The following NLK variants were observed in gnomAD, a reference collection of about 807,000 sequenced individuals.
The protein encoded by NLK is serine/threonine-protein kinase NLK.
In NLK, 11 loss-of-function variants were observed where a neutral mutation model predicts 59.0. The observed-to-expected ratio is 0.19, with a 90% CI of 0.12 to 0.31. The LOEUF (loss-of-function observed/expected upper bound fraction) is 0.31, where lower values mean the gene tolerates loss of function less well. Among genes scored for constraint, NLK ranks in the 10% least tolerant of loss-of-function variants. The pLI is 1.00. For missense variants in NLK, 410 were observed against 661.1 expected (o/e 0.62, Z 4.16); for synonymous variants, 235 against 235.9 (o/e 1.00, Z 0.03).
At chr17:28,186,454 GTT>G (rs1909120374) in intron 8 of NLK, among the ~76,000 whole-genome samples, 5 of 151,888 alleles carry the variant, frequency 3.3e-5, no homozygotes, top group Admixed American at 3.3e-4. Context: ...TTTCTTTTTT[GTT>G]TTTTTACTGT....
chr17:28,118,659 A>G (rs1412799679), intron 1 of NLK, among the ~76,000 whole-genome samples: 1 of 152,202 alleles, frequency 6.6e-6, no homozygotes, highest in Non-Finnish European at 1.5e-5. Context: ...AATGACCACA[A>G]CAGATCTAAA....
intron 1 of NLK, among the ~76,000 whole-genome samples, chr17:28,073,905 A>G (rs983792335): frequency 5.9e-5 from 9 of 152,192 alleles, no homozygotes; most frequent in Non-Finnish European, 1.2e-4. Context: ...CTATGTTCCT[A>G]GCATGTAATA....
intron 1 of NLK, among the ~76,000 whole-genome samples, chr17:28,118,517 A>T (rs1905879222): frequency 6.6e-6 from 1 of 152,176 alleles, no homozygotes; most frequent in Non-Finnish European, 1.5e-5. Context: ...GTTTTAAGTG[A>T]CATTTTAGTG....
At chr17:28,065,067 A>G (rs1909783130) in intron 1 of NLK, among the ~76,000 whole-genome samples, 1 of 151,892 alleles carries the variant, frequency 6.6e-6, no homozygotes, top group Non-Finnish European at 1.5e-5. Flanking sequence ...CATAATTCCT[A>G]CCCGGGAGAA....
At chr17:28,203,606 G>A in the NLK span, among the ~76,000 whole-genome samples, 2 of 151,892 alleles carry the variant, frequency 1.3e-5, no homozygotes, top group African/African-American at 2.4e-5. Context: ...GCACAATCTC[G>A]GCTCAATGCA....
chr17:28,117,294 T>C (rs1218435874), intron 1 of NLK, among the ~76,000 whole-genome samples: 1 of 152,236 alleles, frequency 6.6e-6, no homozygotes, highest in Non-Finnish European at 1.5e-5. Context: ...GATTTTCAGC[T>C]GCATTTTAAC....
intron 7 of NLK, among the ~76,000 whole-genome samples, chr17:28,175,050 G>T: frequency 6.8e-6 from 1 of 146,682 alleles, no homozygotes; most frequent in Non-Finnish European, 1.5e-5. Flanking sequence ...TATAGCTTAT[G>T]TTTTGGTACA....
intron 3 of NLK, among the ~76,000 whole-genome samples, chr17:28,159,748 G>A (rs1302965618): frequency 6.6e-6 from 1 of 152,104 alleles, no homozygotes; most frequent in Non-Finnish European, 1.5e-5. Context: ...GTAAATGTCA[G>A]TATATAGGCA....
intron 1 of NLK, among the ~76,000 whole-genome samples, chr17:28,086,098 A>G (rs1386465196): frequency 6.6e-6 from 1 of 152,214 alleles, no homozygotes; most frequent in Non-Finnish European, 1.5e-5. Context: ...TACTTTTAAA[A>G]GGTAACTATA....
chr17:28,131,911 A>G (rs1441399403), intron 2 of NLK, among the ~76,000 whole-genome samples: 1 of 152,110 alleles, frequency 6.6e-6, no homozygotes, highest in Non-Finnish European at 1.5e-5. Flanking sequence ...AGTGTATTTC[A>G]TGTCTTCCTC....
the NLK span, among the ~76,000 whole-genome samples, chr17:28,205,785 C>T: frequency 6.6e-6 from 1 of 152,080 alleles, no homozygotes; most frequent in Non-Finnish European, 1.5e-5. Flanking sequence ...GTTTTTCTCT[C>T]TGTGTCTGGC....
intron 1 of NLK, among the ~76,000 whole-genome samples, chr17:28,071,105 G>A (rs1454178192): frequency 4.6e-5 from 7 of 152,126 alleles, no homozygotes; most frequent in Non-Finnish European, 1.0e-4. Flanking sequence ...AATGCTAGTA[G>A]CCACTCAGTA....
At chr17:28,083,403 A>G (rs545711012) in intron 1 of NLK, among the ~76,000 whole-genome samples, 18 of 152,326 alleles carry the variant, frequency 1.2e-4, no homozygotes, top group African/African-American at 4.3e-4. Flanking sequence ...TTATACTGAT[A>G]AGATGTTGCT....
At chr17:28,090,850 C>T (rs899503359) in intron 1 of NLK, among the ~76,000 whole-genome samples, 4 of 151,846 alleles carry the variant, frequency 2.6e-5, no homozygotes, top group African/African-American at 9.7e-5. Flanking sequence ...ATCTTTGTTC[C>T]TCTGTGTGTA....
In NLK at chr17:28,127,388, A is replaced by G. The variant is rs116138166; in HGVS notation, c.588+4656A>G. Among the ~76,000 whole-genome samples, 382 of 152,328 alleles carry G rather than the reference A, an allele frequency of 2.5e-3. 4 individuals carry two copies. Among genetic ancestry groups the G allele is most frequent in the African/African-American group, 8.5e-3 (354 of 41,576 alleles). ...AGGTTACAGAATCATACAGTATGGG[A>G]AAAACAGATATGGCCTATCTTTTAA... is the stretch of plus-strand genomic sequence containing the variant. On this transcript the variant is annotated intron_variant, in intron 2 of 10. Transcript: ENST00000407008.
At chr17:28,084,645 C>A (rs1019165192) in intron 1 of NLK, among the ~76,000 whole-genome samples, 2 of 152,028 alleles carry the variant, frequency 1.3e-5, no homozygotes, top group Admixed American at 6.5e-5. Flanking sequence ...CTCACTGCAA[C>A]CTCCACCTCC....
chr17:28,176,742 A>C (rs1374825894), intron 7 of NLK, among the ~76,000 whole-genome samples: 1 of 152,222 alleles, frequency 6.6e-6, no homozygotes, highest in Non-Finnish European at 1.5e-5. Flanking sequence ...GTTATCTGCA[A>C]CTACCACCCC....
At position 28,073,230 on chromosome 17, in the gene NLK, G is replaced by T. The variant is rs552187594; in HGVS notation, c.458+29899G>T. ...AATAAAGACCCTTATTCTCATTATC[G>T]CCCTCTGCAGAATGAGCTTTTACCT... On this transcript the variant is annotated intron_variant, in intron 1 of 10. Coordinates refer to ENST00000407008, the MANE Select transcript of NLK (RefSeq NM_016231.5). 5.3e-5 allele frequency among the ~76,000 whole-genome samples: 8 copies of T among 151,986 alleles called. No homozygotes were observed. The South Asian group carries it at 1.7e-3, about 32-fold the overall frequency.
Position 28,064,033 on chromosome 17 carries a change from G to A in NLK, c.458+20702G>A, listed in dbSNP as rs141599072. Among the ~76,000 whole-genome samples the A allele has an allele frequency of 8.1e-4, 123 of 152,216 alleles. 1 individual carries two copies. The highest frequency in any genetic ancestry group is 2.8e-3 in the African/African-American group (116 of 41,556). On this transcript the variant is annotated intron_variant, in intron 1 of 10. Transcript: ENST00000407008. ...CTACTGAACATAAATATACGAGTTT[G>A]CAACACTTTTAGTGATAATTTTTCA...
Sources: allele counts gnomAD v4.1 joint callset (sites outside exome capture counted in the v4.1 genomes callset), GRCh38; gene constraint gnomAD v4.1.1; transcripts MANE v1.5; gene names NCBI Gene and HGNC (gene_info 2026-07-23, HGNC 2026-07-21).